ALK: variants seen among roughly 807,000 people sequenced by gnomAD.
ALK encodes the protein ALK receptor tyrosine kinase, also known as ALK tyrosine kinase receptor.
ALK carries 74 observed loss-of-function variants against 163.1 expected under a neutral mutation model. The observed-to-expected ratio is 0.45, with a 90% CI of 0.38 to 0.55. The LOEUF is 0.55. Among genes scored for constraint, ALK ranks in the 20% least tolerant of loss-of-function variants. The probability of loss-of-function intolerance (pLI) is 0.00; values close to 1 mark genes in which losing one functional copy is unlikely to be tolerated. For synonymous variants in ALK, 960 were observed against 843.2 expected (o/e 1.14, Z -2.40); for missense variants, 2,063 against 2,105.3 (o/e 0.98, Z 0.39).
chr2:29,277,805 CCACTCTGG>C (rs1406495438), intron 9 of ALK, among the ~76,000 whole-genome samples: 1 of 152,214 alleles, frequency 6.6e-6, no homozygotes, highest in Non-Finnish European at 1.5e-5. Flanking sequence ...TCAGCCCCTG[CCACTCTGG>C]CACTGGGGTG....
Position 29,209,611 on chromosome 2 carries a change from C to T in ALK, c.3836+175G>A, listed in dbSNP as rs75750780. ...AAGTGTGATCCCAGATTTAGGCCTTCGGGCATGGTCACTAATTAAGGTTTC... is the reference window on the plus strand; with the variant it reads ...AAGTGTGATCCCAGATTTAGGCCTTTGGGCATGGTCACTAATTAAGGTTTC... On this transcript the variant is annotated intron_variant, in intron 25 of 28. Transcript: ENST00000389048. Among the ~76,000 whole-genome samples, 1,652 of 151,000 alleles carry T rather than the reference C, an allele frequency of 0.011. 29 individuals are homozygous for T. The highest frequency in any genetic ancestry group is 0.039 in the African/African-American group (1,591 of 41,104).
chr2:29,639,039 T>C (rs1011495990), intron 3 of ALK, among the ~76,000 whole-genome samples: 3 of 152,074 alleles, frequency 2.0e-5, no homozygotes, highest in African/African-American at 7.2e-5. Context: ...GTAAGGAGAA[T>C]TAGAAAGTAG....
At chr2:29,714,069 T>C (rs543037454) in intron 2 of ALK, among the ~76,000 whole-genome samples, 1 of 152,222 alleles carries the variant, frequency 6.6e-6, no homozygotes, top group African/African-American at 2.4e-5. Flanking sequence ...TGGTGCTACC[T>C]GATGGAACAG....
At chr2:29,771,371 A>T (rs941718015) in intron 1 of ALK, among the ~76,000 whole-genome samples, 1 of 152,210 alleles carries the variant, frequency 6.6e-6, no homozygotes, top group Non-Finnish European at 1.5e-5. Context: ...ACAAGTTCTA[A>T]TCAAACAAGC....
intron 1 of ALK, among the ~76,000 whole-genome samples, chr2:29,720,299 C>A (rs1010713915): frequency 6.6e-6 from 1 of 152,160 alleles, no homozygotes; most frequent in Non-Finnish European, 1.5e-5. Flanking sequence ...TGGGCCATCT[C>A]TTCAGAAGCA....
rs994430978 is a variant in ALK, at chr2:29,388,428, T to C, written c.1155-4569A>G. ...CCACCCTACATACTTTTCAAAGGAATGCCTTTCTGAGATGGTTTTAGCTGC... is the reference window on the plus strand; with the variant it reads ...CCACCCTACATACTTTTCAAAGGAACGCCTTTCTGAGATGGTTTTAGCTGC... On this transcript the variant is annotated intron_variant, in intron 4 of 28. Transcript: ENST00000389048. Among the ~76,000 whole-genome samples, 9 of 152,316 alleles carry C rather than the reference T, an allele frequency of 5.9e-5. No homozygotes were observed. The South Asian group carries it at 1.7e-3, about 28-fold the overall frequency.
At chr2:29,385,047 A>G (rs1161603869) in intron 4 of ALK, among the ~76,000 whole-genome samples, 2 of 152,042 alleles carry the variant, frequency 1.3e-5, no homozygotes, top group East Asian at 1.9e-4. Context: ...CTTGTCTCAA[A>G]AAAAAAAGTG....
At chr2:29,862,849 A>G (rs1666329601) in intron 1 of ALK, among the ~76,000 whole-genome samples, 1 of 151,722 alleles carries the variant, frequency 6.6e-6, no homozygotes, top group African/African-American at 2.4e-5. Flanking sequence ...GGGGCATCAC[A>G]CTACCTGATT....
intron 4 of ALK, among the ~76,000 whole-genome samples, chr2:29,505,459 C>T (rs1391332810): frequency 2.6e-5 from 4 of 152,172 alleles, no homozygotes; most frequent in East Asian, 3.9e-4. Context: ...AGGTGGAAGT[C>T]GTACTAGATG....
Position 29,906,204 on chromosome 2 carries a change from G to A in ALK, c.667+13789C>T, listed in dbSNP as rs1667546621. Reference sequence around the variant, plus strand: ...GGTGAATGAGGAAAAGTGACAAGGGGGCTAGAGACGTTTGTTTCCTTCCCA... The same window carrying A: ...GGTGAATGAGGAAAAGTGACAAGGGAGCTAGAGACGTTTGTTTCCTTCCCA... On this transcript the variant is annotated intron_variant, in intron 1 of 28. Coordinates refer to ENST00000389048, the MANE Select transcript of ALK (RefSeq NM_004304.5). Among the ~76,000 whole-genome samples the A allele has an allele frequency of 2.0e-5, 3 of 152,078 alleles. No individual in the cohort carries two copies. In the South Asian group the frequency reaches 6.2e-4, roughly 32 times the overall value.
At chr2:29,719,358 T>G (rs1010158964) in intron 1 of ALK, among the ~76,000 whole-genome samples, 1 of 152,142 alleles carries the variant, frequency 6.6e-6, no homozygotes, top group Admixed American at 6.5e-5. Context: ...TCAGAGGAAA[T>G]GCACTGAAAG....
chr2:29,661,496 C>T (rs1030909373), intron 3 of ALK, among the ~76,000 whole-genome samples: 17 of 152,266 alleles, frequency 1.1e-4, no homozygotes, highest in Non-Finnish European at 7.4e-5. Context: ...TGAGAGGACA[C>T]GTAAGTGTGC....
intron 14 of ALK, 137 bp downstream of exon 14, chr2:29,233,428 G>A (rs1240982361): frequency 3.9e-6 from 5 of 1,279,644 alleles, no homozygotes; most frequent in Middle Eastern, 2.6e-4. Flanking sequence ...TTACAGGAAT[G>A]AGCCACTGTA....
intron 16 of ALK, among the ~76,000 whole-genome samples, chr2:29,228,186 T>G (rs1031636894): frequency 4.6e-5 from 7 of 152,044 alleles, no homozygotes; most frequent in African/African-American, 1.7e-4. Context: ...CCCACCCAGC[T>G]TGGAAAAGAA....
intron 3 of ALK, among the ~76,000 whole-genome samples, chr2:29,671,389 C>A (rs1192885429): frequency 6.6e-6 from 1 of 152,080 alleles, no homozygotes; most frequent in Non-Finnish European, 1.5e-5. Flanking sequence ...GATTTGGCAT[C>A]TCCTTTGGCT....
chr2:29,368,788 C>G (rs971316176), intron 5 of ALK, among the ~76,000 whole-genome samples: 1 of 152,116 alleles, frequency 6.6e-6, no homozygotes, highest in African/African-American at 2.4e-5. Flanking sequence ...TTTGGAGTAT[C>G]CCATGGATCA....
intron 3 of ALK, among the ~76,000 whole-genome samples, chr2:29,635,140 C>T (rs1676483433): frequency 6.6e-6 from 1 of 152,128 alleles, no homozygotes; most frequent in Non-Finnish European, 1.5e-5. Context: ...AGAAGAGCTA[C>T]ATAAATGGAA....
chr2:29,529,967 G>A (rs1398268299), intron 4 of ALK, among the ~76,000 whole-genome samples: 1 of 152,060 alleles, frequency 6.6e-6, no homozygotes, highest in Non-Finnish European at 1.5e-5. Flanking sequence ...GGTGACCATG[G>A]CATCATGTGG....
chr2:29,406,322 C>T (rs1251770084), intron 4 of ALK, among the ~76,000 whole-genome samples: 1 of 152,148 alleles, frequency 6.6e-6, no homozygotes, highest in Non-Finnish European at 1.5e-5. Flanking sequence ...TCCCAAATCC[C>T]TCCCTCACCT....
Sources: allele counts gnomAD v4.1 joint callset (sites outside exome capture counted in the v4.1 genomes callset), GRCh38; gene constraint gnomAD v4.1.1; transcripts MANE v1.5; gene names NCBI Gene and HGNC (gene_info 2026-07-23, HGNC 2026-07-21).